Variants in ATRNL1 observed in about 807,000 individuals in gnomAD.
ATRNL1 encodes the protein attractin-like protein 1.
Under a neutral mutation model 182.7 loss-of-function variants are expected in ATRNL1, and 95 were observed. That is an observed-to-expected ratio of 0.52 (90% CI 0.44 to 0.62). The LOEUF (loss-of-function observed/expected upper bound fraction) is 0.62, where lower values mean the gene tolerates loss of function less well. Among genes scored for constraint, ATRNL1 ranks in the 20% least tolerant of loss-of-function variants. The pLI, the probability that ATRNL1 is intolerant of heterozygous loss-of-function variation, is 0.00. For missense variants in ATRNL1, 1,471 were observed against 1,679.5 expected (o/e 0.88, Z 2.17); for synonymous variants, 576 against 568.3 (o/e 1.01, Z -0.19).
intron 13 of ATRNL1, among the ~76,000 whole-genome samples, chr10:115,278,999 G>A (rs1304547086): frequency 2.0e-5 from 3 of 151,804 alleles, no homozygotes; most frequent in South Asian, 2.1e-4. Context: ...TCAGGAGATC[G>A]AGACCATCCT....
intron 26 of ATRNL1, among the ~76,000 whole-genome samples, chr10:115,561,704 G>GTGGGT (rs1554999746): frequency 1.4e-5 from 2 of 144,938 alleles, no homozygotes; most frequent in South Asian, 2.2e-4. Flanking sequence ...TGTGTGTGTG[G>GTGGGT]GTGTGTGTGT....
At chr10:115,564,296 A>T (rs74158371) in intron 26 of ATRNL1, among the ~76,000 whole-genome samples, 2,858 of 152,066 alleles carry the variant, frequency 0.019, 82 homozygotes, top group African/African-American at 0.065. Context: ...ATCCACTGTT[A>T]CTATATTGTA....
intron 28 of ATRNL1, among the ~76,000 whole-genome samples, chr10:115,864,976 C>T (rs1226270477): frequency 1.4e-5 from 2 of 146,668 alleles, no homozygotes; most frequent in African/African-American, 5.0e-5. Flanking sequence ...AGCGAGACTC[C>T]GTCTAAAAAA....
At chr10:115,585,463 T>G (rs1855455911) in intron 26 of ATRNL1, among the ~76,000 whole-genome samples, 1 of 126,542 alleles carries the variant, frequency 7.9e-6, no homozygotes, top group Non-Finnish European at 1.7e-5. Context: ...TTTAGGATAG[T>G]TAGCTCTTCT....
intron 26 of ATRNL1, among the ~76,000 whole-genome samples, chr10:115,627,097 G>A (rs782136384): frequency 2.0e-5 from 3 of 152,094 alleles, no homozygotes; most frequent in Non-Finnish European, 2.9e-5. Flanking sequence ...GTCACTTTGT[G>A]TATTCACAAA....
intron 8 of ATRNL1, among the ~76,000 whole-genome samples, chr10:115,173,907 T>C (rs1847391535): frequency 6.7e-6 from 1 of 148,354 alleles, no homozygotes; most frequent in Non-Finnish European, 1.5e-5. Flanking sequence ...ATTCCTGTTT[T>C]TTTTTTTGTA....
intron 26 of ATRNL1, among the ~76,000 whole-genome samples, chr10:115,721,943 G>A (rs1555057873): frequency 6.6e-6 from 1 of 152,136 alleles, no homozygotes; most frequent in African/African-American, 2.4e-5. Context: ...AACCTACCTG[G>A]AAAATCTGCT....
intron 24 of ATRNL1, among the ~76,000 whole-genome samples, chr10:115,489,946 T>A (rs1849215381): frequency 6.6e-6 from 1 of 152,222 alleles, no homozygotes. Flanking sequence ...AGCATTTGTT[T>A]GCCTGTAAAG....
At chr10:115,389,027 G>C (rs1412221150) in intron 19 of ATRNL1, among the ~76,000 whole-genome samples, 1 of 151,954 alleles carries the variant, frequency 6.6e-6, no homozygotes, top group East Asian at 1.9e-4. Context: ...CCGAAATTTT[G>C]TACTCTTTGA....
chr10:115,544,042 T>G (rs1411362577), intron 25 of ATRNL1, among the ~76,000 whole-genome samples: 1 of 152,108 alleles, frequency 6.6e-6, no homozygotes, highest in Non-Finnish European at 1.5e-5. Context: ...CCCATCAATA[T>G]CTATATCATG....
chr10:115,267,057 G>C, intron 12 of ATRNL1, 52 bp downstream of exon 12: 1 of 1,254,916 alleles, frequency 8.0e-7, no homozygotes, highest in Non-Finnish European at 1.1e-6. Flanking sequence ...CTCTTCTACA[G>C]AAGTAGAAAT....
chr10:115,368,427 A>G (rs181751949), intron 19 of ATRNL1, among the ~76,000 whole-genome samples: 1,965 of 151,938 alleles, frequency 0.013, 38 homozygotes, highest in African/African-American at 0.044. Flanking sequence ...ACTGTATGGC[A>G]CTCCCTAGTG....
chr10:115,269,619 G>A (rs540712466), intron 13 of ATRNL1, among the ~76,000 whole-genome samples: 1 of 152,026 alleles, frequency 6.6e-6, no homozygotes, highest in Non-Finnish European at 1.5e-5. Flanking sequence ...CAGGCATGAG[G>A]CACTGCACCC....
chr10:115,528,001 CCTTCCTT>C (rs1455738809), intron 25 of ATRNL1, among the ~76,000 whole-genome samples: 348 of 12,278 alleles, frequency 0.028, 12 homozygotes, highest in African/African-American at 0.13. Context: ...TCCCTCCCTT[CCTTCCTT>C]CCTTCCTTCC....
chr10:115,419,983 A>C (rs1845577080), intron 20 of ATRNL1, among the ~76,000 whole-genome samples: 1 of 152,100 alleles, frequency 6.6e-6, no homozygotes, highest in Non-Finnish European at 1.5e-5. Flanking sequence ...TCTCAACAGC[A>C]CATGTAACAT....
intron 26 of ATRNL1, among the ~76,000 whole-genome samples, chr10:115,606,968 G>T (rs1050438775): frequency 2.6e-5 from 4 of 151,902 alleles, no homozygotes; most frequent in African/African-American, 9.7e-5. Context: ...TCAGTGATGC[G>T]TGATAAAGTA....
chr10:115,726,267 T>C (rs1448305638), intron 26 of ATRNL1, among the ~76,000 whole-genome samples: 1 of 152,200 alleles, frequency 6.6e-6, no homozygotes, highest in Non-Finnish European at 1.5e-5. Context: ...TGACAGAGAA[T>C]CTTTAAAAAT....
intron 19 of ATRNL1, among the ~76,000 whole-genome samples, chr10:115,339,090 T>A (rs1554937538): frequency 6.6e-6 from 1 of 152,230 alleles, no homozygotes; most frequent in African/African-American, 2.4e-5. Flanking sequence ...TGTGTCTGTT[T>A]TTATGCCAGT....
At chr10:115,148,308 A>G (rs1846059822) in intron 5 of ATRNL1, among the ~76,000 whole-genome samples, 1 of 152,066 alleles carries the variant, frequency 6.6e-6, no homozygotes, top group African/African-American at 2.4e-5. Context: ...CTGCAACTTT[A>G]CTGAATTCAT....
Sources: allele counts gnomAD v4.1 joint callset (sites outside exome capture counted in the v4.1 genomes callset), GRCh38; gene constraint gnomAD v4.1.1; transcripts MANE v1.5; gene names NCBI Gene and HGNC (gene_info 2026-07-23, HGNC 2026-07-21).